HAGHL: variants seen among roughly 807,000 people sequenced by gnomAD.
HAGHL encodes hydroxyacylglutathione hydrolase like, also known as hydroxyacylglutathione hydrolase-like protein.
Under a neutral mutation model 29.2 loss-of-function variants are expected in HAGHL, and 27 were observed. That is an observed-to-expected ratio of 0.92 (90% confidence interval 0.68 to 1.27). The LOEUF (loss-of-function observed/expected upper bound fraction) is 1.27, where lower values mean the gene tolerates loss of function less well. Ranked by LOEUF, HAGHL falls within the 50% of genes most tolerant of loss-of-function variation. The pLI is 0.00. For missense variants in HAGHL, 529 were observed against 405.5 expected, an observed-to-expected ratio of 1.30 and a Z score of -2.62; for synonymous variants, 223 against 185.7, an observed-to-expected ratio of 1.20 and a Z score of -1.63.
rs759963866 is a variant in HAGHL, at chr16:727,596, C to A, written c.87C>A (p.Asp29Glu). 1 of 1,610,146 alleles carries A rather than the reference C, an allele frequency of 6.2e-7. No homozygotes were observed. The highest frequency in any genetic ancestry group is 8.5e-7 in the Non-Finnish European group (1 of 1,178,410). Residue 29 changes from aspartate to glutamate, a missense_variant, in exon 1 of 8, where the codon GAC (aspartate) becomes GAA (glutamate). Asp to Glu is a conservative substitution (Grantham distance 45). Transcript: ENST00000389703. Reference protein sequence around the residue: ...EELTREAVAVDVAVPKRLLEI... With the variant: ...EELTREAVAVEVAVPKRLLEI... ...TCACGCGCGAGGCGGTGGCCGTGGA[C>A]GTGGCTGTGCCCAAGAGGGTGAGGG...
rs568990270 is a variant in HAGHL, at chr16:728,961, G to GGC, written c.601-47_601-46dup. On this transcript the variant is annotated intron_variant, in intron 6 of 7. Transcript: ENST00000389703. ...AGGGAACAGGCTTCGGGGTGGGGGG[G>GGC]GCTCTCAGACAAGGCCTAATGGTGA... 6.5e-4 allele frequency: 569 copies of GGC among 875,332 alleles called. 2 individuals are homozygous for GGC. In the African/African-American group the frequency reaches 8.5e-3, roughly 13 times the overall value. The allele number at this position is 875,332 out of a possible 1,614,324, so 54.2% of individuals were successfully genotyped here.
rs557746673 is a variant in HAGHL, at chr16:727,611, G to T, written c.102G>T (p.Lys34Asn). Residue 34 changes from lysine (K) to asparagine (N), a missense_variant, in exon 1 of 8, where the codon AAG (lysine) becomes AAT (asparagine). By Grantham distance (94) the Lys-to-Asn change is moderately conservative. Coordinates refer to ENST00000389703, the MANE Select transcript of HAGHL (RefSeq NM_032304.4). ...EAVAVDVAVP[K>N]RLLEIVGREG... ...TGGCCGTGGACGTGGCTGTGCCCAAGAGGGTGAGGGCAGGCCGCGGGCCGC... is the reference window on the plus strand; with the variant it reads ...TGGCCGTGGACGTGGCTGTGCCCAATAGGGTGAGGGCAGGCCGCGGGCCGC... The T allele has an allele frequency of 1.9e-6, 3 of 1,605,090 alleles. No individual in the cohort carries two copies. In the African/African-American group the frequency reaches 4.0e-5, roughly 21 times the overall value.
At position 728,391 on chromosome 16, in the gene HAGHL, G is replaced by A. The variant is rs774241979; in HGVS notation, c.364G>A (p.Asp122Asn). 6.3e-6 allele frequency: 10 copies of A among 1,575,870 alleles called. No individual in the cohort carries two copies. The African/African-American group carries it at 8.1e-5, about 13-fold the overall frequency. ...AGHMSYFLWE[D>N]DCPDPPALFS... is the part of the protein sequence containing the mutation. ...CCACATGAGCTACTTCCTGTGGGAG[G>A]ACGATTGCCCGGACCCACCCGCCCT... The change falls in exon 4 of 8, where the codon GAC (aspartate) becomes AAC (asparagine). Residue 122 changes from aspartate to asparagine, a missense_variant. Transcript: ENST00000389703.
intron 1 of HAGHL, 87 bp from the exon 2 acceptor site, chr16:727,878 C>A (rs1383160613): frequency 2.1e-6 from 3 of 1,396,390 alleles, no homozygotes; most frequent in Middle Eastern, 1.8e-4. Flanking sequence ...CTCTGGCCGG[C>A]CTGGGGCAGT....
In HAGHL at chr16:728,883, G is replaced by A; in HGVS notation, c.588G>A (p.Leu196=). 1.3e-6 allele frequency: 2 copies of A among 1,590,326 alleles called. No individual in the cohort carries two copies. Among genetic ancestry groups the A allele is most frequent in the Non-Finnish European group, 1.7e-6 (2 of 1,166,848 alleles). ...GCAACGACCACGTGAGAGCCAAGCT[G>A]TCCTGGGCTAAGGCACGGCCCCTTT... ...EPCNDHVRAK[L]SWAKKRDEDD... Residue 196 remains leucine, a synonymous_variant, in exon 6 of 8, where the codon CTG becomes CTA. Transcript: ENST00000389703.
At position 727,377 on chromosome 16, in the gene HAGHL, GC is replaced by G; in HGVS notation, c.-128del. ...CCTGGGGAGCCGGGCTTCTCTTTTG[GC>G]CCCCAGCGTGTTGACCGAGCCCGCT... is the stretch of plus-strand genomic sequence containing the variant. On this transcript the variant is annotated 5_prime_UTR_variant, in exon 1 of 8. Transcript: ENST00000389703. 1 of 567,494 alleles carries G rather than the reference GC, an allele frequency of 1.8e-6. No individual in the cohort carries two copies. Among genetic ancestry groups the G allele is most frequent in the Non-Finnish European group, 3.2e-6 (1 of 312,258 alleles). The allele number at this position is 567,494 out of a possible 1,614,324, so 35.2% of individuals were successfully genotyped here.
At chr16:727,775 G>C (rs1596653348) in intron 1 of HAGHL, 161 bp downstream of exon 1, 1 of 730,574 alleles carries the variant, frequency 1.4e-6, no homozygotes, top group Admixed American at 2.7e-5. Context: ...CGGCACCTCT[G>C]GCCTCCGCCC....
chr16:728,951 G>A lies in HAGHL; in HGVS notation c.600+56G>A, dbSNP rs374220250. On this transcript the variant is annotated intron_variant, in intron 6 of 7. Coordinates refer to ENST00000389703, the MANE Select transcript of HAGHL (RefSeq NM_032304.4). ...GTGGGGGGGGAGGGAACAGGCTTCG[G>A]GGTGGGGGGGGCTCTCAGACAAGGC... The A allele has an allele frequency of 3.8e-4, 405 of 1,053,158 alleles. 1 individual carries two copies. Among genetic ancestry groups the A allele is most frequent in the Admixed American group, 1.1e-3 (48 of 45,614 alleles). The allele number at this position is 1,053,158 out of a possible 1,614,324, so 65.2% of individuals were successfully genotyped here.
In HAGHL at chr16:727,815, C is replaced by A. The variant is rs563825070; in HGVS notation, c.106-150C>A. ...GCTGCTGCCTGGCGGTCCCTGCACG[C>A]GCTGGGCGCAGTCACCGCCCGCTGG... On this transcript the variant is annotated intron_variant, in intron 1 of 7. Coordinates refer to ENST00000389703, the MANE Select transcript of HAGHL (RefSeq NM_032304.4). 27 of 868,136 alleles carry A rather than the reference C, an allele frequency of 3.1e-5. No individual in the cohort carries two copies. In the South Asian group the frequency reaches 4.2e-4, roughly 14 times the overall value. The allele number at this position is 868,136 out of a possible 1,614,324, so 53.8% of individuals were successfully genotyped here.
In HAGHL at chr16:727,158, G is replaced by A. The variant is rs1398729728; in HGVS notation, c.-352G>A. 4 of 202,514 alleles carry A rather than the reference G, an allele frequency of 2.0e-5. No homozygotes were observed. The highest frequency in any genetic ancestry group is 9.8e-6 in the Non-Finnish European group (1 of 101,764). The allele number at this position is 202,514 out of a possible 1,614,324, so 12.5% of individuals were successfully genotyped here. On this transcript the variant is annotated 5_prime_UTR_variant, in exon 1 of 8. Transcript: ENST00000389703. ...CCGTGCCGGTGAGGCGGGCGGCGGGGGAACGCGGCTGTCCCGGGTCAGGGG... is the reference window on the plus strand; with the variant it reads ...CCGTGCCGGTGAGGCGGGCGGCGGGAGAACGCGGCTGTCCCGGGTCAGGGG...
chr16:729,211 G>A (rs2041227692), intron 7 of HAGHL, 77 bp from the exon 8 acceptor site: 6 of 1,551,618 alleles, frequency 3.9e-6, no homozygotes, highest in East Asian at 2.3e-5. Context: ...TTAAGTGCCT[G>A]CCTGCCCGCC....
chr16:729,685 C>T lies in HAGHL; in HGVS notation c.*229C>T. On this transcript the variant is annotated 3_prime_UTR_variant, in exon 8 of 8. Coordinates refer to ENST00000389703, the MANE Select transcript of HAGHL (RefSeq NM_032304.4). ...GTCTGGGAAGTGGGGCACACGGGGC[C>T]TCCGAACTATGAATAAAGCTTTGAA... 1 of 1,496,724 alleles carries T rather than the reference C, an allele frequency of 6.7e-7. No homozygotes were observed. The highest frequency in any genetic ancestry group is 8.9e-7 in the Non-Finnish European group (1 of 1,128,116). The allele number at this position is 1,496,724 out of a possible 1,614,324, so 92.7% of individuals were successfully genotyped here.
intron 1 of HAGHL, 59 bp downstream of exon 1, chr16:727,673 C>G (rs1363365687): frequency 4.4e-5 from 52 of 1,174,642 alleles, no homozygotes; most frequent in Non-Finnish European, 5.9e-5. Flanking sequence ...CCTCCCCGAC[C>G]CCCCTGGTAG....
In HAGHL at chr16:728,598, C is replaced by A. The variant is rs764566238; in HGVS notation, c.492C>A (p.Pro164=). The change falls in exon 5 of 8, where the codon CCC becomes CCA. Residue 164 remains proline (P), a synonymous_variant. Coordinates refer to ENST00000389703, the MANE Select transcript of HAGHL (RefSeq NM_032304.4). ...TGGCCGAGCTGGGTACCCTGCCCCCCGAGACGGTGAGCGGGCCTGGGCCCT... is the reference window on the plus strand; with the variant it reads ...TGGCCGAGCTGGGTACCCTGCCCCCAGAGACGGTGAGCGGGCCTGGGCCCT... ...QSLAELGTLP[P]ETKVFCGHEH... is the part of the protein sequence containing the mutation. The A allele has an allele frequency of 4.1e-5, 61 of 1,498,480 alleles. No homozygotes were observed. Among genetic ancestry groups the A allele is most frequent in the Non-Finnish European group, 5.1e-5 (57 of 1,125,756 alleles). The allele number at this position is 1,498,480 out of a possible 1,614,324, so 92.8% of individuals were successfully genotyped here.
rs750997788 is a variant in HAGHL at position 727,613 on chromosome 16, G to C, written c.104G>C (p.Arg35Thr). ...AVAVDVAVPK[R>T]LLEIVGREGV... ...GCCGTGGACGTGGCTGTGCCCAAGA[G>C]GGTGAGGGCAGGCCGCGGGCCGCAG... is the stretch of plus-strand genomic sequence containing the variant. Residue 35 changes from arginine (R) to threonine (T), a missense_variant and splice_region_variant, in exon 1 of 8, where the codon AGG becomes ACG. Coordinates refer to ENST00000389703, the MANE Select transcript of HAGHL (RefSeq NM_032304.4). 2 of 1,604,382 alleles carry C rather than the reference G, an allele frequency of 1.2e-6. No homozygotes were observed. Among genetic ancestry groups the C allele is most frequent in the Non-Finnish European group, 1.7e-6 (2 of 1,174,174 alleles).
At chr16:729,127 T>C (rs772404351) in intron 7 of HAGHL, 39 bp downstream of exon 7, 2 of 1,603,292 alleles carry the variant, frequency 1.2e-6, no homozygotes, top group Middle Eastern at 1.7e-4. Context: ...CACCGTTACG[T>C]GGACCCTTAG....
In HAGHL at chr16:727,589, C is replaced by CCGTGGA; in HGVS notation, c.86_91dup (p.Asp29_Val30dup). ...GAGGAGCTCACGCGCGAGGCGGTGG[C>CCGTGGA]CGTGGACGTGGCTGTGCCCAAGAGG... On this transcript the variant is annotated inframe_insertion, in exon 1 of 8. Transcript: ENST00000389703. The CCGTGGA allele has an allele frequency of 6.2e-7, 1 of 1,611,024 alleles. No homozygotes were observed. Among genetic ancestry groups the CCGTGGA allele is most frequent in the Non-Finnish European group, 8.5e-7 (1 of 1,178,962 alleles).
intron 7 of HAGHL, 25 bp from the exon 8 acceptor site, chr16:729,263 C>T (rs1380180946): frequency 2.6e-6 from 4 of 1,517,204 alleles, no homozygotes; most frequent in South Asian, 2.6e-5. Context: ...GCGGGCCCTG[C>T]GCCTCACTGC....
In HAGHL at chr16:729,493, C is replaced by T; in HGVS notation, c.*37C>T. 6.5e-7 allele frequency: 1 copy of T among 1,537,532 alleles called. No individual in the cohort carries two copies. The highest frequency in any genetic ancestry group is 8.7e-7 in the Non-Finnish European group (1 of 1,146,250). ...CCTCACAGGGCTGGGGCCTGCGTCC[C>T]TCCTCGTGACCTCGGCCAGCTGGAC... On this transcript the variant is annotated 3_prime_UTR_variant, in exon 8 of 8. Transcript: ENST00000389703.
Sources: gnomAD v4.1 joint callset for allele counts on GRCh38, gnomAD v4.1.1 for gene constraint, MANE v1.5 for transcripts, NCBI Gene and HGNC (gene_info 2026-07-23, HGNC 2026-07-21) for gene names.